The following FBXW10 variants were observed in gnomAD, a reference collection of about 807,000 sequenced individuals.
The protein encoded by FBXW10 is F-box and WD repeat domain containing 10.
FBXW10 carries 68 observed loss-of-function variants against 113.1 expected under a neutral mutation model. The observed-to-expected ratio is 0.60, with a 90% CI of 0.49 to 0.74. FBXW10 has a LOEUF of 0.74. Ranked by LOEUF, FBXW10 falls within the 30% of genes least tolerant of loss-of-function variation. The pLI is 0.00. For missense variants in FBXW10, 753 were observed against 1,284.5 expected (o/e 0.59, Z 6.32); for synonymous variants, 289 against 481.6 (o/e 0.60, Z 5.24).
At chr17:18,765,061 C>G (rs1269721468) in intron 8 of FBXW10, among the ~76,000 whole-genome samples, 198 bp downstream of exon 8, 1 of 152,038 alleles carries the variant, frequency 6.6e-6, no homozygotes, top group Admixed American at 6.6e-5. Context: ...TGTAGAATAC[C>G]TACAACAAGC....
At chr17:18,773,064 G>T (rs1031107724) in intron 12 of FBXW10, among the ~76,000 whole-genome samples, 5 of 151,748 alleles carry the variant, frequency 3.3e-5, no homozygotes, top group Non-Finnish European at 7.4e-5. Flanking sequence ...GAGTAGCTGG[G>T]ATTACAGGCA....
intron 7 of FBXW10, among the ~76,000 whole-genome samples, chr17:18,762,259 G>A (rs2035400680): frequency 6.6e-6 from 1 of 151,438 alleles, no homozygotes; most frequent in Non-Finnish European, 1.5e-5. Flanking sequence ...ACTGCACCTG[G>A]CCAATAATTG....
chr17:18,762,197 T>C (rs1433411151), intron 7 of FBXW10, among the ~76,000 whole-genome samples: 101 of 151,308 alleles, frequency 6.7e-4, no homozygotes, highest in African/African-American at 2.3e-3. Context: ...CTCCTGACCT[T>C]GTGATCCACC....
rs1174937137 is a variant in FBXW10 at position 18,748,076 on chromosome 17, A to G, written c.641A>G (p.Glu214Gly). ...CCTTTGTCCAAAGCCCCAGAAAATG[A>G]ACACTTGCTTGGGGCAGCATCTAAC... ...SLPLSKAPEN[E>G]HLLGAASNPE... The change falls in exon 2 of 14, where the codon GAA becomes GGA. Residue 214 changes from glutamate to glycine, a missense_variant. Transcript: ENST00000395665. The G allele has an allele frequency of 5.6e-6, 9 of 1,613,916 alleles. No individual in the cohort carries two copies. The South Asian group carries it at 8.8e-5, about 16-fold the overall frequency.
intron 8 of FBXW10, among the ~76,000 whole-genome samples, chr17:18,766,468 C>G (rs2035498112): frequency 6.6e-6 from 1 of 152,160 alleles, no homozygotes; most frequent in African/African-American, 2.4e-5. Context: ...AGGGCCATAG[C>G]CAAGGTCTTC....
chr17:18,744,584 G>A lies in FBXW10; in HGVS notation c.340G>A (p.Val114Ile). The A allele has an allele frequency of 6.2e-7, 1 of 1,614,016 alleles. No individual in the cohort carries two copies. Among genetic ancestry groups the A allele is most frequent in the Non-Finnish European group, 8.5e-7 (1 of 1,179,860 alleles). The change falls in exon 1 of 14, where the codon GTA becomes ATA. Residue 114 changes from valine (V) to isoleucine (I), a missense_variant. Coordinates refer to ENST00000395665, the MANE Select transcript of FBXW10 (RefSeq NM_001267585.2). The stretch of plus-strand genomic sequence containing the variant: ...CTTGAACCAAATGTTGGATAAAACA[G>A]TAGAACAGAAGATGAAAGAGATCTT... ...SSLNQMLDKT[V>I]EQKMKEILYW...
chr17:18,751,985 C>A (rs1236278801), intron 5 of FBXW10, among the ~76,000 whole-genome samples: 2 of 152,068 alleles, frequency 1.3e-5, no homozygotes, highest in African/African-American at 2.4e-5. Context: ...TTCTGCCCCC[C>A]ACTCTGCTTA....
At chr17:18,769,182 G>A (rs1252003604) in intron 10 of FBXW10, among the ~76,000 whole-genome samples, 10 of 151,764 alleles carry the variant, frequency 6.6e-5, no homozygotes, top group African/African-American at 1.9e-4. Flanking sequence ...TGATCCACCC[G>A]CCTCAGCCTC....
chr17:18,747,708 T>C (rs1467297761), intron 1 of FBXW10, among the ~76,000 whole-genome samples: 2 of 152,072 alleles, frequency 1.3e-5, no homozygotes, highest in African/African-American at 4.8e-5. Flanking sequence ...TCTCTGCTTG[T>C]ATAAACAACT....
intron 7 of FBXW10, among the ~76,000 whole-genome samples, chr17:18,764,205 T>A: frequency 6.7e-6 from 1 of 149,048 alleles, no homozygotes; most frequent in East Asian, 1.9e-4. Flanking sequence ...ATACTCTTTT[T>A]TTTTTTTTTT....
chr17:18,774,305 A>G (rs995455743), intron 12 of FBXW10, among the ~76,000 whole-genome samples: 3 of 152,248 alleles, frequency 2.0e-5, no homozygotes, highest in African/African-American at 7.2e-5. Context: ...TATGTGACTC[A>G]GTTTCCAGGG....
intron 9 of FBXW10, among the ~76,000 whole-genome samples, chr17:18,768,318 G>A (rs1325503159): frequency 6.6e-6 from 1 of 151,952 alleles, no homozygotes; most frequent in African/African-American, 2.4e-5. Context: ...CGCCCGCCTC[G>A]GCCTCCCAAA....
chr17:18,745,423 C>CTT (rs917049935), intron 1 of FBXW10: 7 of 212,980 alleles, frequency 3.3e-5, no homozygotes, highest in Admixed American at 6.7e-5. Context: ...TATGTCTTTT[C>CTT]TTTTTTTTTT....
At chr17:18,762,591 G>A (rs1336884385) in intron 7 of FBXW10, among the ~76,000 whole-genome samples, 1 of 151,996 alleles carries the variant, frequency 6.6e-6, no homozygotes, top group Non-Finnish European at 1.5e-5. Context: ...CAAAGTGCTG[G>A]AATTACAGGC....
chr17:18,764,329 G>A (rs2035443887), intron 7 of FBXW10, among the ~76,000 whole-genome samples: 1 of 151,440 alleles, frequency 6.6e-6, no homozygotes. Context: ...AGCCTCCTGA[G>A]TAGCTGGGAC....
At chr17:18,759,202 T>C (rs1162127891) in intron 7 of FBXW10, among the ~76,000 whole-genome samples, 1 of 151,936 alleles carries the variant, frequency 6.6e-6, no homozygotes, top group Non-Finnish European at 1.5e-5. Context: ...TTTTAAACAA[T>C]ATAACAAACA....
intron 9 of FBXW10, among the ~76,000 whole-genome samples, chr17:18,768,140 G>A (rs1185884955): frequency 2.7e-5 from 4 of 150,108 alleles, no homozygotes; most frequent in African/African-American, 9.8e-5. Flanking sequence ...AGATCTTGGC[G>A]CACTGCAACC....
Position 18,758,836 on chromosome 17 carries a change from G to T in FBXW10, c.1433+331G>T, listed in dbSNP as rs911110940. ...CTTTCAGGGGAACGTGGTTTTTATGGGTTTGAGACAGACTATAGAGGCAAA... is the reference window on the plus strand; with the variant it reads ...CTTTCAGGGGAACGTGGTTTTTATGTGTTTGAGACAGACTATAGAGGCAAA... On this transcript the variant is annotated intron_variant, in intron 7 of 13. Coordinates refer to ENST00000395665, the MANE Select transcript of FBXW10 (RefSeq NM_001267585.2). Among the ~76,000 whole-genome samples, 293 of 150,448 alleles carry T rather than the reference G, an allele frequency of 1.9e-3. 2 individuals carry two copies. The highest frequency in any genetic ancestry group is 6.7e-3 in the African/African-American group (273 of 40,910).
chr17:18,758,800 T>A (rs1032586573), intron 7 of FBXW10, among the ~76,000 whole-genome samples: 2 of 112,084 alleles, frequency 1.8e-5, no homozygotes, highest in African/African-American at 6.8e-5. Context: ...TTACATTTGT[T>A]CTTACAGACT....
Sources: gnomAD v4.1 joint callset for allele counts (sites outside exome capture counted in the v4.1 genomes callset) on GRCh38, gnomAD v4.1.1 for gene constraint, MANE v1.5 for transcripts, NCBI Gene and HGNC (gene_info 2026-07-23, HGNC 2026-07-21) for gene names.